The following FAM149B1 variants were observed in gnomAD, a reference collection of about 807,000 sequenced individuals.
FAM149B1 encodes the protein primary cilium assembly protein FAM149B1.
FAM149B1 carries 56 observed loss-of-function variants against 75.3 expected under a neutral mutation model. The observed-to-expected ratio is 0.74, with a 90% CI of 0.60 to 0.93. The LOEUF (loss-of-function observed/expected upper bound fraction) is 0.93. Ranked by LOEUF, FAM149B1 falls within the 40% of genes least tolerant of loss-of-function variation. The probability of loss-of-function intolerance (pLI) is 0.00; values close to 1 mark genes in which losing one functional copy is unlikely to be tolerated. For synonymous variants in FAM149B1, 259 were observed against 256.1 expected (o/e 1.01, Z -0.11); for missense variants, 639 against 708.4 (o/e 0.90, Z 1.11).
At position 73,220,333 on chromosome 10, in the gene FAM149B1, G is replaced by A. The variant is rs2043382312; in HGVS notation, c.899-7727G>A. ...ATACATGGCAGTGGAAATATAAAAT[G>A]CTGCAGCTATTGTGGAAACAATTTG... On this transcript the variant is annotated intron_variant, in intron 7 of 13. Coordinates refer to ENST00000242505, the MANE Select transcript of FAM149B1 (RefSeq NM_173348.2). 2.0e-5 allele frequency among the ~76,000 whole-genome samples: 3 copies of A among 152,126 alleles called. No homozygotes were observed. The South Asian group carries it at 6.2e-4, about 32-fold the overall frequency.
In FAM149B1 at chr10:73,224,691, C is replaced by G. The variant is rs765493413; in HGVS notation, c.899-3369C>G. 7.2e-5 allele frequency among the ~76,000 whole-genome samples: 11 copies of G among 151,968 alleles called. 1 individual carries two copies. Among genetic ancestry groups the G allele is most frequent in the Non-Finnish European group, 1.5e-4 (10 of 68,000 alleles). ...TTCACTATGTTGGCCAGGCTGGTCT[C>G]GAACTCCTGACCTCAGGTGATCTGC... is the stretch of plus-strand genomic sequence containing the variant. On this transcript the variant is annotated intron_variant, in intron 7 of 13. Transcript: ENST00000242505.
intron 7 of FAM149B1, among the ~76,000 whole-genome samples, chr10:73,221,804 T>G (rs1345272208): frequency 6.6e-6 from 1 of 152,190 alleles, no homozygotes; most frequent in African/African-American, 2.4e-5. Flanking sequence ...AGGTAACTCA[T>G]GCTTTAAAAA....
chr10:73,188,110 T>C (rs769976940), intron 3 of FAM149B1, among the ~76,000 whole-genome samples: 1 of 151,924 alleles, frequency 6.6e-6, no homozygotes, highest in Admixed American at 6.6e-5. Context: ...AAAAACAGTG[T>C]GGTACTGACA....
At chr10:73,238,858 T>C (rs989057857) in intron 12 of FAM149B1, 2 of 152,816 alleles carry the variant, frequency 1.3e-5, no homozygotes, top group Non-Finnish European at 2.9e-5. Context: ...TGTGAAATAT[T>C]TGCATTTCAT....
In FAM149B1 at chr10:73,230,289, A is replaced by C. The variant is rs1411604381; in HGVS notation, c.1024-133A>C. ...TGGGGCCCCAGCTACGGGCCCCAAG[A>C]TGTTATAAAAATTAAAGCATGGGGA... On this transcript the variant is annotated intron_variant, in intron 8 of 13. Coordinates refer to ENST00000242505, the MANE Select transcript of FAM149B1 (RefSeq NM_173348.2). 7 of 593,202 alleles carry C rather than the reference A, an allele frequency of 1.2e-5. No homozygotes were observed. The East Asian group carries it at 1.8e-4, about 15-fold the overall frequency. 36.7% of individuals were successfully genotyped at this position (593,202 alleles called of 1,614,324 possible).
chr10:73,183,370 A>G (rs2042446193), intron 3 of FAM149B1: 1 of 152,216 alleles, frequency 6.6e-6, no homozygotes, highest in Non-Finnish European at 1.5e-5. Context: ...TTATACTTTT[A>G]TAAGGTTATT....
intron 7 of FAM149B1, among the ~76,000 whole-genome samples, chr10:73,221,993 T>G (rs2043426747): frequency 6.6e-6 from 1 of 152,182 alleles, no homozygotes. Context: ...ATATATATTT[T>G]CCATGTCTCT....
intron 3 of FAM149B1, among the ~76,000 whole-genome samples, chr10:73,186,668 A>G (rs1033115678): frequency 1.3e-5 from 2 of 152,254 alleles, no homozygotes; most frequent in African/African-American, 2.4e-5. Flanking sequence ...TTACAAAAAT[A>G]TGGTTTTCAT....
intron 3 of FAM149B1, among the ~76,000 whole-genome samples, chr10:73,184,267 A>T (rs2042467568): frequency 1.3e-5 from 2 of 152,242 alleles, no homozygotes; most frequent in African/African-American, 4.8e-5. Context: ...TAAAAGGGTC[A>T]ATTCATCAGG....
intron 1 of FAM149B1, among the ~76,000 whole-genome samples, chr10:73,172,171 A>G (rs1353620565): frequency 6.6e-6 from 1 of 152,094 alleles, no homozygotes; most frequent in Non-Finnish European, 1.5e-5. Flanking sequence ...TTGAATTTGT[A>G]TTTCTTATCC....
rs185281819 is a variant in FAM149B1 at position 73,185,255 on chromosome 10, T to A, written c.282+7280T>A. 8.5e-3 allele frequency among the ~76,000 whole-genome samples: 1,300 copies of A among 152,314 alleles called. 9 individuals carry two copies. The highest frequency in any genetic ancestry group is 0.011 in the Non-Finnish European group (777 of 68,024). ...CTATTTAAATAAACTAAATTAATAA[T>A]TAAAAATCTTTCAGCTGATCACAGT... On this transcript the variant is annotated intron_variant, in intron 3 of 13. Transcript: ENST00000242505.
chr10:73,215,522 A>G (rs961970865), intron 7 of FAM149B1, among the ~76,000 whole-genome samples: 1 of 152,128 alleles, frequency 6.6e-6, no homozygotes, highest in Non-Finnish European at 1.5e-5. Context: ...ATGCCCAGCC[A>G]TCTTTCTACT....
intron 7 of FAM149B1, among the ~76,000 whole-genome samples, chr10:73,223,062 G>A (rs777054569): frequency 7.9e-5 from 12 of 152,150 alleles, no homozygotes; most frequent in Admixed American, 1.3e-4. Context: ...TGAGACTGCA[G>A]TGAGCTATGA....
In FAM149B1 at chr10:73,174,668, T is replaced by C. The variant is rs1279177871; in HGVS notation, c.48-19T>C. 2.7e-6 allele frequency: 4 copies of C among 1,492,196 alleles called. No individual in the cohort carries two copies. Among genetic ancestry groups the C allele is most frequent in the Non-Finnish European group, 3.6e-6 (4 of 1,096,556 alleles). The allele number at this position is 1,492,196 out of a possible 1,614,324, so 92.4% of individuals were successfully genotyped here. On this transcript the variant is annotated intron_variant, in intron 1 of 13. Transcript: ENST00000242505. ...TATTTTTTTATACAGGAAATATAAC[T>C]TTGTTTTGTCTTTCACAGGAAAGGA...
chr10:73,220,155 G>A (rs1416641615), intron 7 of FAM149B1, among the ~76,000 whole-genome samples: 2 of 151,930 alleles, frequency 1.3e-5, no homozygotes, highest in African/African-American at 4.8e-5. Context: ...GCTGTACATC[G>A]TTAGTCATTA....
intron 7 of FAM149B1, among the ~76,000 whole-genome samples, chr10:73,220,257 TAAAAGAA>T (rs1374364440): frequency 6.6e-6 from 1 of 152,044 alleles, no homozygotes; most frequent in Non-Finnish European, 1.5e-5. Flanking sequence ...TTTTATTTCT[TAAAAGAA>T]AAATAACAAG....
At chr10:73,236,826 T>G (rs923946087) in intron 12 of FAM149B1, among the ~76,000 whole-genome samples, 1 of 149,840 alleles carries the variant, frequency 6.7e-6, no homozygotes, top group Admixed American at 6.6e-5. Flanking sequence ...AGTGATCATC[T>G]CACCTCAGCC....
chr10:73,230,178 T>G (rs1272866663), intron 8 of FAM149B1: 4 of 370,084 alleles, frequency 1.1e-5, no homozygotes, highest in Admixed American at 7.4e-5. Flanking sequence ...TTAATTGTTT[T>G]CATCCAGATT....
chr10:73,220,696 G>A (rs1302530190), intron 7 of FAM149B1, among the ~76,000 whole-genome samples: 2 of 152,130 alleles, frequency 1.3e-5, no homozygotes, highest in Non-Finnish European at 2.9e-5. Context: ...ATCCAATAGG[G>A]CTGGTGTCCT....
Sources: gnomAD v4.1 joint callset for allele counts (sites outside exome capture counted in the v4.1 genomes callset) on GRCh38, gnomAD v4.1.1 for gene constraint, MANE v1.5 for transcripts, NCBI Gene and HGNC (gene_info 2026-07-23, HGNC 2026-07-21) for gene names.